The following AADACL2 variants were observed in gnomAD, a reference collection of about 807,000 sequenced individuals.
The protein encoded by AADACL2 is arylacetamide deacetylase-like 2.
AADACL2 carries 23 observed loss-of-function variants against 22.3 expected under a neutral mutation model. That is an observed-to-expected ratio of 1.03 (90% CI 0.74 to 1.46). The LOEUF is 1.46. AADACL2 is among the 40% of genes most tolerant of loss of function. AADACL2 has a pLI of 0.00. For synonymous variants in AADACL2, 177 were observed against 166.2 expected, an observed-to-expected ratio of 1.07 and a Z score of -0.50; for missense variants, 472 against 482.9, an observed-to-expected ratio of 0.98 and a Z score of 0.21.
At position 151,734,170 on chromosome 3, in the gene AADACL2, T is replaced by A. The variant is rs1376701877; in HGVS notation, c.135T>A (p.Phe45Leu). 1 of 1,612,782 alleles carries A rather than the reference T, an allele frequency of 6.2e-7. No homozygotes were observed. The highest frequency in any genetic ancestry group is 1.1e-5 in the South Asian group (1 of 90,890). Residue 45 changes from phenylalanine (F) to leucine (L), a missense_variant, in exon 1 of 5, where the codon TTT becomes TTA. Around this residue, in one of 3 missense-constraint regions of AADACL2, gnomAD observed 356 missense variants for 365.5 expected, o/e 0.97. Coordinates refer to ENST00000356517, the MANE Select transcript of AADACL2 (RefSeq NM_207365.4). ...ALDAIAKTCT[F>L]TAMCFENMRI... is the part of the protein sequence containing the mutation. ...ATGCCATCGCTAAAACTTGTACATTTACGGTAAGGTTAACATTTATTTTTT... is the reference window on the plus strand; with the variant it reads ...ATGCCATCGCTAAAACTTGTACATTAACGGTAAGGTTAACATTTATTTTTT...
chr3:151,756,922 ATAAT>A (rs1394898220), intron 4 of AADACL2, 66 bp from the exon 5 acceptor site: 2 of 1,451,290 alleles, frequency 1.4e-6, no homozygotes, highest in African/African-American at 2.8e-5. Context: ...TGACTGCTAG[ATAAT>A]TAAATTTTTT....
At chr3:151,746,478 G>T (rs1285904531) in intron 4 of AADACL2, among the ~76,000 whole-genome samples, 2 of 149,510 alleles carry the variant, frequency 1.3e-5, no homozygotes, top group African/African-American at 4.9e-5. Context: ...TTATTGCACT[G>T]TCTGGGGCCT....
chr3:151,740,251 C>T (rs1257962875), intron 1 of AADACL2, among the ~76,000 whole-genome samples: 1 of 152,180 alleles, frequency 6.6e-6, no homozygotes, highest in African/African-American at 2.4e-5. Context: ...GGAGGGAGGT[C>T]CCCTGGCTCC....
At chr3:151,734,201 G>A in intron 1 of AADACL2, 28 bp downstream of exon 1, 3 of 1,604,150 alleles carry the variant, frequency 1.9e-6, no homozygotes, top group East Asian at 2.2e-5. Flanking sequence ...TTTTTCTGTT[G>A]GAAATTGGGA....
At chr3:151,738,190 G>A (rs1713157625) in intron 1 of AADACL2, among the ~76,000 whole-genome samples, 2 of 151,682 alleles carry the variant, frequency 1.3e-5, no homozygotes, top group South Asian at 4.2e-4. Flanking sequence ...GGCAGGCCTG[G>A]TGGTGACAAA....
chr3:151,737,720 C>T (rs574733106), intron 1 of AADACL2, among the ~76,000 whole-genome samples: 1 of 152,224 alleles, frequency 6.6e-6, no homozygotes, highest in African/African-American at 2.4e-5. Flanking sequence ...GTGTAATGTC[C>T]TTCTTTGTCT....
chr3:151,748,236 A>G (rs1713524928), intron 4 of AADACL2, among the ~76,000 whole-genome samples: 1 of 152,156 alleles, frequency 6.6e-6, no homozygotes, highest in Non-Finnish European at 1.5e-5. Context: ...CAGTAGCTAT[A>G]CAGTTTTATA....
intron 4 of AADACL2, among the ~76,000 whole-genome samples, chr3:151,749,956 A>G (rs573164732): frequency 6.6e-6 from 1 of 152,254 alleles, no homozygotes; most frequent in South Asian, 2.1e-4. Context: ...GCTTTTTATC[A>G]CTGAGTATGA....
At chr3:151,752,649 T>G (rs995419401) in intron 4 of AADACL2, among the ~76,000 whole-genome samples, 5 of 152,222 alleles carry the variant, frequency 3.3e-5, no homozygotes, top group African/African-American at 1.2e-4. Context: ...TTTAAAAGAA[T>G]GTATGCATTG....
At chr3:151,748,782 A>G (rs1431671017) in intron 4 of AADACL2, among the ~76,000 whole-genome samples, 1 of 152,214 alleles carries the variant, frequency 6.6e-6, no homozygotes, top group Non-Finnish European at 1.5e-5. Context: ...TTCAGCCACT[A>G]GAATTGTGAG....
Position 151,759,097 on chromosome 3 carries a change from G to A in AADACL2, c.*1503G>A, listed in dbSNP as rs1714060181. The stretch of plus-strand genomic sequence containing the variant: ...ATGACAAATGAAAATAAGTATCATG[G>A]GAATCTGTTTTTTTCCTCTGAGAAA... On this transcript the variant is annotated 3_prime_UTR_variant, in exon 5 of 5. Transcript: ENST00000356517. 1 of 151,870 alleles carries A rather than the reference G, an allele frequency of 6.6e-6. No individual in the cohort carries two copies. The allele number at this position is 151,870 out of a possible 1,614,324, so 9.4% of individuals were successfully genotyped here. A position where few individuals can be genotyped will look rare whatever the true frequency, so the allele number is the denominator to read the frequency against.
In AADACL2 at chr3:151,740,961, T is replaced by C; in HGVS notation, c.361+93T>C. The C allele has an allele frequency of 3.1e-6, 3 of 954,574 alleles. No homozygotes were observed. The South Asian group carries it at 5.1e-5, about 16-fold the overall frequency. 59.1% of individuals were successfully genotyped at this position (954,574 alleles called of 1,614,324 possible). A position where few individuals can be genotyped will look rare whatever the true frequency, so the allele number is the denominator to read the frequency against. ...AAATATACACACTTATACTGATACA[T>C]ACATCTATATATATACTTGTCTGGA... On this transcript the variant is annotated intron_variant, in intron 2 of 4. Coordinates refer to ENST00000356517, the MANE Select transcript of AADACL2 (RefSeq NM_207365.4).
At chr3:151,745,431 T>C in intron 3 of AADACL2, 78 bp from the exon 4 acceptor site, 1 of 1,429,442 alleles carries the variant, frequency 7.0e-7, no homozygotes, top group East Asian at 2.4e-5. Flanking sequence ...AAGACTGGCA[T>C]TAAATTGCAT....
intron 4 of AADACL2, among the ~76,000 whole-genome samples, chr3:151,750,203 T>A (rs1348601910): frequency 1.3e-5 from 2 of 152,230 alleles, no homozygotes; most frequent in Non-Finnish European, 2.9e-5. Context: ...GTATGATCCT[T>A]TTAATGTGCT....
chr3:151,750,096 T>C (rs1160943697), intron 4 of AADACL2, among the ~76,000 whole-genome samples: 2 of 152,226 alleles, frequency 1.3e-5, no homozygotes, highest in Non-Finnish European at 2.9e-5. Context: ...GAGATGTTCA[T>C]GTAAGTTTTA....
At chr3:151,752,281 G>A (rs1243683710) in intron 4 of AADACL2, among the ~76,000 whole-genome samples, 1 of 152,052 alleles carries the variant, frequency 6.6e-6, no homozygotes, top group Admixed American at 6.6e-5. Flanking sequence ...ACCACTGAGG[G>A]ATATATTTTA....
At chr3:151,750,708 G>A (rs887907633) in intron 4 of AADACL2, among the ~76,000 whole-genome samples, 1 of 151,980 alleles carries the variant, frequency 6.6e-6, no homozygotes, top group South Asian at 2.1e-4. Context: ...TTCCTTTTAA[G>A]TATTATAAGA....
intron 4 of AADACL2, among the ~76,000 whole-genome samples, chr3:151,756,771 T>A (rs1713924987): frequency 6.6e-6 from 1 of 151,946 alleles, no homozygotes; most frequent in East Asian, 1.9e-4. Flanking sequence ...TTCTCCTTTT[T>A]TCCTCACACA....
intron 2 of AADACL2, 133 bp downstream of exon 2, chr3:151,741,001 G>T (rs372080683): frequency 3.0e-6 from 2 of 675,082 alleles, no homozygotes; most frequent in African/African-American, 1.8e-5. Context: ...GATAAGTATA[G>T]ATATAAATAT....
Sources: gnomAD v4.1 joint callset for allele counts (sites outside exome capture counted in the v4.1 genomes callset) on GRCh38, gnomAD v4.1.1 for gene constraint, gnomAD v4.1.1 regional missense constraint, MANE v1.5 for transcripts, NCBI Gene and HGNC (gene_info 2026-07-23, HGNC 2026-07-21) for gene names.